Variants in TMCO1 observed in about 807,000 individuals in gnomAD.
The protein encoded by TMCO1 is transmembrane and coiled-coil domains 1.
TMCO1 carries 29 observed loss-of-function variants against 29.3 expected under a neutral mutation model. The ratio of observed to expected loss-of-function variants is 0.99; its 90% CI spans 0.74 to 1.35. The LOEUF is 1.35. Among genes scored for constraint, TMCO1 ranks in the 40% most tolerant of loss-of-function variants. The pLI is 0.00. For missense variants in TMCO1, 173 were observed against 225.5 expected (o/e 0.77, Z 1.49); for synonymous variants, 80 against 77.1 (o/e 1.04, Z -0.20).
intron 6 of TMCO1, among the ~76,000 whole-genome samples, chr1:165,740,311 C>T (rs559540414): frequency 6.6e-6 from 1 of 152,042 alleles, no homozygotes; most frequent in Non-Finnish European, 1.5e-5. Flanking sequence ...CACCATTCTC[C>T]TGCCTCAGTC....
At chr1:165,732,629 C>CA (rs975454764) in intron 6 of TMCO1, among the ~76,000 whole-genome samples, 1 of 151,800 alleles carries the variant, frequency 6.6e-6, no homozygotes, top group African/African-American at 2.4e-5. Context: ...AATTATATGT[C>CA]AGTGTAGATT....
chr1:165,768,868 T>C lies in TMCO1; in HGVS notation c.-117A>G, dbSNP rs780791020. On this transcript the variant is annotated 5_prime_UTR_variant, in exon 1 of 7. Coordinates refer to ENST00000367881, the MANE Select transcript of TMCO1 (RefSeq NM_019026.6). ...CCACCACCGAGTAACAGACCAACTC[T>C]GACAGCCCGAAGATCGCACTTCCGC... is the stretch of plus-strand genomic sequence containing the variant. The C allele has an allele frequency of 2.4e-5, 38 of 1,562,844 alleles. No homozygotes were observed. The Admixed American group carries it at 6.9e-4, about 29-fold the overall frequency.
At chr1:165,742,517 C>A (rs1339813512) in intron 6 of TMCO1, among the ~76,000 whole-genome samples, 4 of 152,200 alleles carry the variant, frequency 2.6e-5, no homozygotes, top group African/African-American at 9.7e-5. Flanking sequence ...CACGCCTCAG[C>A]CTACCAAATT....
chr1:165,746,453 T>TCACACACACACACA (rs59467463), intron 5 of TMCO1, among the ~76,000 whole-genome samples: 4,899 of 132,306 alleles, frequency 0.037, 212 homozygotes, highest in East Asian at 0.15. Context: ...AAGACCTATA[T>TCACACACACACACA]CACACACACA....
Position 165,768,230 on chromosome 1 carries a change from T to C in TMCO1, c.110A>G (p.Lys37Arg). The stretch of plus-strand genomic sequence containing the variant: ...TTTTTCCACTTCTGCCTTCAGTCTC[T>C]TGTACTTGTCTGTCCTGTAAACCAG... ...WVLVYRTDKY[K>R]RLKAEVEKQS... Residue 37 changes from lysine to arginine, a missense_variant, in exon 2 of 7, where the codon AAG (lysine) becomes AGG (arginine). Physicochemically the swap from Lys to Arg is conservative, Grantham distance 26 (BLOSUM62 2). Transcript: ENST00000367881. The C allele has an allele frequency of 1.2e-6, 2 of 1,614,128 alleles. No homozygotes were observed. Among genetic ancestry groups the C allele is most frequent in the Non-Finnish European group, 1.7e-6 (2 of 1,180,026 alleles).
At chr1:165,730,472 A>T (rs1197832962) in intron 6 of TMCO1, among the ~76,000 whole-genome samples, 2 of 152,260 alleles carry the variant, frequency 1.3e-5, no homozygotes, top group Non-Finnish European at 2.9e-5. Flanking sequence ...AAAATATTTC[A>T]GTACATACAT....
intron 2 of TMCO1, among the ~76,000 whole-genome samples, chr1:165,761,260 C>T (rs1652392600): frequency 6.6e-6 from 1 of 152,004 alleles, no homozygotes; most frequent in Non-Finnish European, 1.5e-5. Context: ...ACAGGCCAGG[C>T]ATGGTGGCTC....
chr1:165,745,186 AATT>A (rs1295952580), intron 5 of TMCO1, among the ~76,000 whole-genome samples: 11 of 147,142 alleles, frequency 7.5e-5, no homozygotes, highest in African/African-American at 2.8e-4. Flanking sequence ...ATGTCTGGCT[AATT>A]TTTTTTTTTT....
chr1:165,746,689 G>C (rs1651811554), intron 5 of TMCO1, among the ~76,000 whole-genome samples: 1 of 152,122 alleles, frequency 6.6e-6, no homozygotes, highest in Non-Finnish European at 1.5e-5. Context: ...TCATAGCAGT[G>C]ATATGGGCAT....
chr1:165,729,319 CT>C (rs11298819), intron 6 of TMCO1, among the ~76,000 whole-genome samples: 64,732 of 133,422 alleles, frequency 0.49, 14,294 homozygotes, highest in South Asian at 0.65. Flanking sequence ...TCTCATAATT[CT>C]TTTTTTTTTT....
At chr1:165,735,976 G>T (rs967300182) in intron 6 of TMCO1, among the ~76,000 whole-genome samples, 1 of 152,174 alleles carries the variant, frequency 6.6e-6, no homozygotes, top group Non-Finnish European at 1.5e-5. Flanking sequence ...TTCATATGTT[G>T]AATCCAAACT....
At chr1:165,728,482 T>A (rs1385779579) in intron 6 of TMCO1, among the ~76,000 whole-genome samples, 1 of 152,060 alleles carries the variant, frequency 6.6e-6, no homozygotes, top group Non-Finnish European at 1.5e-5. Flanking sequence ...GGTCTCGATC[T>A]CCTGACCTCA....
chr1:165,762,747 T>C (rs1449555203), intron 2 of TMCO1, among the ~76,000 whole-genome samples: 1 of 152,210 alleles, frequency 6.6e-6, no homozygotes. Flanking sequence ...AGTTTATAAA[T>C]TATTCTAAAA....
At chr1:165,740,972 G>C (rs1470338498) in intron 6 of TMCO1, among the ~76,000 whole-genome samples, 1 of 152,126 alleles carries the variant, frequency 6.6e-6, no homozygotes, top group Non-Finnish European at 1.5e-5. Context: ...ACAGAAAATG[G>C]GCTAGGGCAG....
intron 1 of TMCO1, 97 bp downstream of exon 1, chr1:165,768,585 C>G (rs2101821153): frequency 6.2e-7 from 1 of 1,600,718 alleles, no homozygotes. Context: ...GCCTCTCAAG[C>G]AAGTAAGGCT....
At chr1:165,768,581 C>T in intron 1 of TMCO1, 101 bp downstream of exon 1, 1 of 1,596,504 alleles carries the variant, frequency 6.3e-7, no homozygotes, top group East Asian at 2.2e-5. Flanking sequence ...ATGAGCCTCT[C>T]AAGCAAGTAA....
chr1:165,748,718 T>G (rs538011339), intron 5 of TMCO1, among the ~76,000 whole-genome samples: 2 of 152,322 alleles, frequency 1.3e-5, no homozygotes, highest in South Asian at 2.1e-4. Context: ...ATGGTTGACA[T>G]TAGGGTTCAT....
chr1:165,764,309 G>A (rs1652497284), intron 2 of TMCO1, among the ~76,000 whole-genome samples: 1 of 152,186 alleles, frequency 6.6e-6, no homozygotes, highest in Non-Finnish European at 1.5e-5. Context: ...CACTGCATTA[G>A]GTACTGTGGA....
intron 6 of TMCO1, among the ~76,000 whole-genome samples, chr1:165,734,086 T>C (rs1280872149): frequency 6.6e-6 from 1 of 152,240 alleles, no homozygotes; most frequent in Non-Finnish European, 1.5e-5. Flanking sequence ...CAACCAGTCT[T>C]CACTTCCAAT....
Sources: gnomAD v4.1 joint callset for allele counts (sites outside exome capture counted in the v4.1 genomes callset) on GRCh38, gnomAD v4.1.1 for gene constraint, MANE v1.5 for transcripts, NCBI Gene and HGNC (gene_info 2026-07-23, HGNC 2026-07-21) for gene names.